IKBKB: variants seen among roughly 807,000 people sequenced by gnomAD.
IKBKB encodes the protein inhibitor of nuclear factor kappa B kinase subunit beta.
In IKBKB, 42 loss-of-function variants were observed where a neutral mutation model predicts 113.6. That is an observed-to-expected ratio of 0.37 (90% CI 0.29 to 0.48). IKBKB has a LOEUF of 0.48. IKBKB is among the 20% of genes least tolerant of loss of function. The pLI is 0.99. For synonymous variants in IKBKB, 296 were observed against 361.3 expected, an observed-to-expected ratio of 0.82 and a Z score of 2.05; for missense variants, 673 against 939.7, an observed-to-expected ratio of 0.72 and a Z score of 3.71.
chr8:42,305,319 C>A, intron 6 of IKBKB, 44 bp downstream of exon 6: 7 of 1,236,804 alleles, frequency 5.7e-6, no homozygotes, highest in South Asian at 1.2e-5. Flanking sequence ...GTGGGCGTGC[C>A]GGGAAGTGGC....
intron 20 of IKBKB, among the ~76,000 whole-genome samples, chr8:42,327,274 G>A (rs908203369): frequency 1.2e-4 from 18 of 151,202 alleles, no homozygotes; most frequent in Middle Eastern, 3.5e-3. Context: ...CAGGAGGTTC[G>A]CAGGAGTTCG....
In IKBKB at chr8:42,316,869, G is replaced by A. The variant is rs760398648; in HGVS notation, c.1090G>A (p.Asp364Asn). The stretch of plus-strand genomic sequence containing the variant: ...GGAAGCGGGCCTGGCGTTGATCCCC[G>A]ATAAGCCTGCCACTCAGTGTATTTC... The part of the protein sequence containing the change: ...LQEAGLALIP[D>N]KPATQCISDG... The change falls in exon 11 of 22, where the codon GAT becomes AAT. Residue 364 changes from aspartate (D) to asparagine (N), a missense_variant. Coordinates refer to ENST00000520810, the MANE Select transcript of IKBKB (RefSeq NM_001556.3). This position sits in a 1 kb window ranked among gnomAD's most constrained non-coding sequence, Gnocchi z 4.5. 39 of 1,613,898 alleles carry A rather than the reference G, an allele frequency of 2.4e-5. No homozygotes were observed. The highest frequency in any genetic ancestry group is 5.5e-5 in the South Asian group (5 of 91,066).
At chr8:42,273,667 A>G (rs948611692) in intron 2 of IKBKB, among the ~76,000 whole-genome samples, 4 of 151,588 alleles carry the variant, frequency 2.6e-5, no homozygotes, top group Non-Finnish European at 5.9e-5. Flanking sequence ...TTGCCTCCCA[A>G]AATGTTTGGA....
chr8:42,303,012 A>T (rs906730134), intron 5 of IKBKB, among the ~76,000 whole-genome samples: 1 of 150,172 alleles, frequency 6.7e-6, no homozygotes, highest in African/African-American at 2.5e-5. Flanking sequence ...AGCAGATAGG[A>T]TCGCTGCCTG....
chr8:42,322,018 T>G, intron 17 of IKBKB, 36 bp from the exon 18 acceptor site: 1 of 1,608,598 alleles, frequency 6.2e-7, no homozygotes, highest in Non-Finnish European at 8.5e-7. Flanking sequence ...CTCTGCTGGC[T>G]TCCTTGAGGA....
At chr8:42,292,697 C>G (rs1444174475) in intron 4 of IKBKB, among the ~76,000 whole-genome samples, 1 of 152,188 alleles carries the variant, frequency 6.6e-6, no homozygotes, top group East Asian at 1.9e-4. Flanking sequence ...CCTCGGAGGC[C>G]AGCTCCCAGC....
At chr8:42,308,833 G>T in intron 7 of IKBKB, 68 bp from the exon 8 acceptor site, 1 of 1,504,542 alleles carries the variant, frequency 6.6e-7, no homozygotes. Flanking sequence ...AGATGGGCTG[G>T]CCGCCCCCTC....
intron 5 of IKBKB, among the ~76,000 whole-genome samples, chr8:42,300,583 T>C (rs995944336): frequency 2.0e-5 from 3 of 152,164 alleles, no homozygotes; most frequent in African/African-American, 4.8e-5. Context: ...AAAAAATACA[T>C]AGGGCTGTGG....
chr8:42,330,394 C>T, intron 21 of IKBKB: 1 of 846,618 alleles, frequency 1.2e-6, no homozygotes, highest in Non-Finnish European at 1.4e-6. Flanking sequence ...CTATGTTGCC[C>T]AGGCTGGTCT....
At chr8:42,271,955 A>C in intron 1 of IKBKB, 128 bp from the exon 2 acceptor site, 1 of 1,052,094 alleles carries the variant, frequency 9.5e-7, no homozygotes, top group Non-Finnish European at 1.4e-6. Flanking sequence ...TCTTTACAAA[A>C]TAAAAAACCA....
At chr8:42,271,978 T>C (rs894844975) in intron 1 of IKBKB, 105 bp from the exon 2 acceptor site, 1 of 1,176,016 alleles carries the variant, frequency 8.5e-7, no homozygotes. Context: ...TGTATTTTTC[T>C]TCTCTCCCAT....
At chr8:42,282,746 T>C (rs1355541814) in intron 2 of IKBKB, among the ~76,000 whole-genome samples, 1 of 152,244 alleles carries the variant, frequency 6.6e-6, no homozygotes, top group Non-Finnish European at 1.5e-5. Flanking sequence ...TTTAATTGAA[T>C]TTTGCTTTCT....
At chr8:42,317,213 A>T in intron 11 of IKBKB, 1 of 428,200 alleles carries the variant, frequency 2.3e-6, no homozygotes. Context: ...GTGTACTAAA[A>T]AAAAAAAAAA....
chr8:42,321,930 A>C lies in IKBKB; in HGVS notation c.1723A>C (p.Arg575=), dbSNP rs748183910. ...EQARELYRRL[R]EKPRDQRTEG... is the part of the protein sequence containing the mutation. ...AGCAAGGGAGCTGTACAGGAGACTAAGGGAAAAACCTCGAGGTAAGTGGGG... is the reference window on the plus strand; with the variant it reads ...AGCAAGGGAGCTGTACAGGAGACTACGGGAAAAACCTCGAGGTAAGTGGGG... Residue 575 remains arginine (R), a synonymous_variant, in exon 17 of 22, where the codon AGG becomes CGG. Coordinates refer to ENST00000520810, the MANE Select transcript of IKBKB (RefSeq NM_001556.3). 2.5e-6 allele frequency: 4 copies of C among 1,613,260 alleles called. No individual in the cohort carries two copies. The highest frequency in any genetic ancestry group is 2.2e-5 in the East Asian group (1 of 44,890).
chr8:42,299,146 A>G (rs1013512445), intron 5 of IKBKB, among the ~76,000 whole-genome samples: 2 of 152,042 alleles, frequency 1.3e-5, no homozygotes, highest in African/African-American at 2.4e-5. Flanking sequence ...CCCTCCTGCC[A>G]TCCCCTTTCT....
chr8:42,330,971 GCCTCATGATGTGGGGGGACTCGA>G lies in IKBKB; in HGVS notation c.2266_*17del. The stretch of plus-strand genomic sequence containing the variant: ...AGAAGAGCACAGCTGCCTGGAGCAG[GCCTCATGATGTGGGGGGACTCGA>G]CCCCCTGACATGGGGCAGCCCATAG... On this transcript the variant is annotated stop_retained_variant and 3_prime_UTR_variant, in exon 22 of 22. Transcript: ENST00000520810. 2 of 1,614,118 alleles carry G rather than the reference GCCTCATGATGTGGGGGGACTCGA, an allele frequency of 1.2e-6. No individual in the cohort carries two copies. Among genetic ancestry groups the G allele is most frequent in the Non-Finnish European group, 1.7e-6 (2 of 1,180,028 alleles).
chr8:42,279,769 T>C (rs76724274), intron 2 of IKBKB, among the ~76,000 whole-genome samples: 5,677 of 152,322 alleles, frequency 0.037, 123 homozygotes, highest in Non-Finnish European at 0.043. Context: ...GGGGAGGCCT[T>C]GGTGTTCCTT....
chr8:42,307,293 T>C (rs958998381), intron 7 of IKBKB, among the ~76,000 whole-genome samples: 1 of 151,444 alleles, frequency 6.6e-6, no homozygotes, highest in African/African-American at 2.4e-5. Flanking sequence ...GGAAAGAGAG[T>C]CTTGAGTTGA....
At chr8:42,285,749 G>A (rs184267855) in intron 2 of IKBKB, among the ~76,000 whole-genome samples, 1 of 152,280 alleles carries the variant, frequency 6.6e-6, no homozygotes, top group Admixed American at 6.5e-5. Context: ...AGTCACAGAC[G>A]TAAGCCTGTG....
Sources: gnomAD v4.1 joint callset for allele counts (sites outside exome capture counted in the v4.1 genomes callset) on GRCh38, gnomAD v4.1.1 for gene constraint, Gnocchi (gnomAD v3.1) non-coding constraint, MANE v1.5 for transcripts, NCBI Gene and HGNC (gene_info 2026-07-23, HGNC 2026-07-21) for gene names.